Variants in ITGA11 observed in about 807,000 individuals in gnomAD.
The protein encoded by ITGA11 is integrin subunit alpha 11.
In ITGA11, 97 loss-of-function variants were observed where a neutral mutation model predicts 141.9. The ratio of observed to expected loss-of-function variants is 0.68; its 90% CI spans 0.58 to 0.81. ITGA11 has a LOEUF of 0.81. ITGA11 is among the 30% of genes least tolerant of loss of function. The pLI, the probability that ITGA11 is intolerant of heterozygous loss-of-function variation, is 0.00. For missense variants in ITGA11, 1,387 were observed against 1,559.2 expected, an observed-to-expected ratio of 0.89 and a Z score of 1.86; for synonymous variants, 658 against 624.6, an observed-to-expected ratio of 1.05 and a Z score of -0.80.
intron 8 of ITGA11, among the ~76,000 whole-genome samples, 157 bp downstream of exon 8, chr15:68,351,101 G>A (rs2279101): frequency 0.69 from 105,254 of 151,978 alleles, 37,275 homozygotes; most frequent in East Asian, 0.86. Context: ...AGTGCAGAAA[G>A]ATCCTCAACT....
intron 23 of ITGA11, 48 bp from the exon 24 acceptor site, chr15:68,312,911 T>A (rs761651325): frequency 1.0e-5 from 14 of 1,356,676 alleles, no homozygotes; most frequent in Non-Finnish European, 1.5e-5. Context: ...CAGGGCTGGC[T>A]GGATGGACAG....
intron 4 of ITGA11, 38 bp downstream of exon 4, chr15:68,364,666 CCTG>C: frequency 7.1e-7 from 1 of 1,412,468 alleles, no homozygotes; most frequent in Non-Finnish European, 1.0e-6. Context: ...CACCCCCACC[CCTG>C]CCTCTCCTGA....
chr15:68,329,367 T>C (rs143120802), intron 15 of ITGA11, among the ~76,000 whole-genome samples: 8 of 152,326 alleles, frequency 5.3e-5, no homozygotes, highest in African/African-American at 9.6e-5. Context: ...TTCTGCTTAA[T>C]TGGTGTGGGT....
chr15:68,346,021 C>A (rs777105666), intron 10 of ITGA11, among the ~76,000 whole-genome samples: 1 of 152,122 alleles, frequency 6.6e-6, no homozygotes, highest in African/African-American at 2.4e-5. Context: ...CAAATGCGAT[C>A]GTTGTCTCTC....
At chr15:68,357,688 T>TAAGAG (rs148295539) in intron 6 of ITGA11, among the ~76,000 whole-genome samples, 8,853 of 152,234 alleles carry the variant, frequency 0.058, 478 homozygotes, top group African/African-American at 0.14. Flanking sequence ...TTAAAACTTG[T>TAAGAG]AAGAGGTTCT....
At chr15:68,317,475 C>A in intron 20 of ITGA11, 112 bp from the exon 21 acceptor site, 1 of 764,674 alleles carries the variant, frequency 1.3e-6, no homozygotes, top group East Asian at 2.5e-5. Flanking sequence ...GCCTCAGCCC[C>A]TGATACCCAT....
chr15:68,311,439 G>T (rs1478916608), intron 24 of ITGA11, 36 bp from the exon 25 acceptor site: 18 of 1,424,876 alleles, frequency 1.3e-5, no homozygotes, highest in Non-Finnish European at 1.2e-5. Flanking sequence ...AGTACAGTCA[G>T]TTGAGGGGGG....
In ITGA11 at chr15:68,325,123, A is replaced by C. The variant is rs1232833312; in HGVS notation, c.2322+8T>G. ...TGCCCGAGGTGCGTGCCCTGTACCG[A>C]GATGTACCGAGACTCTGAGAGTGGT... On this transcript the variant is annotated splice_region_variant and intron_variant, in intron 18 of 29. Transcript: ENST00000315757. The surrounding 1 kb of genome is among the most constrained non-coding windows in gnomAD (Gnocchi z 5.5). 1.2e-6 allele frequency: 2 copies of C among 1,608,124 alleles called. No individual in the cohort carries two copies. Among genetic ancestry groups the C allele is most frequent in the Non-Finnish European group, 1.7e-6 (2 of 1,174,828 alleles).
rs1595847641 is a variant in ITGA11, at chr15:68,305,083, C to T, written c.3382-1198G>A. Among the ~76,000 whole-genome samples, 1 of 152,254 alleles carries T rather than the reference C, an allele frequency of 6.6e-6. No homozygotes were observed. The highest frequency in any genetic ancestry group is 1.5e-5 in the Non-Finnish European group (1 of 68,040). On this transcript the variant is annotated intron_variant, in intron 28 of 29. Transcript: ENST00000315757. The surrounding 1 kb of genome is among the most constrained non-coding windows in gnomAD (Gnocchi z 4.6). ...CCTGGCCCTGGCCTGCAAGGCCCTC[C>T]CCTCTCGGGTCCCACCTGTCTTGCT...
intron 28 of ITGA11, among the ~76,000 whole-genome samples, chr15:68,306,774 C>T (rs1000514889): frequency 5.3e-5 from 8 of 152,232 alleles, no homozygotes; most frequent in African/African-American, 1.9e-4. Context: ...TGGGAGCTTA[C>T]TCCGCCTCTG....
intron 15 of ITGA11, among the ~76,000 whole-genome samples, chr15:68,329,610 G>A (rs1411441617): frequency 3.3e-5 from 5 of 152,220 alleles, no homozygotes; most frequent in Admixed American, 1.3e-4. Context: ...GCTTCCTGTA[G>A]AGAAGTTTAT....
In ITGA11 at chr15:68,312,793, G is replaced by A. The variant is rs773584819; in HGVS notation, c.2953C>T (p.Pro985Ser). The change falls in exon 24 of 30, where the codon CCC becomes TCC. Residue 985 changes from proline (P) to serine (S), a missense_variant. Pro to Ser is a moderately conservative substitution (Grantham distance 74). Transcript: ENST00000315757. ...SLERYDGIGP[P>S]FSCIFRIQNL... ...CTCACCCTGAAGATGCAGCTGAAGG[G>A]AGGCCCGATACCATCGTATCTCTCC... The A allele has an allele frequency of 6.2e-7, 1 of 1,613,530 alleles. No individual in the cohort carries two copies. The highest frequency in any genetic ancestry group is 8.5e-7 in the Non-Finnish European group (1 of 1,179,616).
chr15:68,409,486 G>C lies in ITGA11; in HGVS notation c.53-6457C>G, dbSNP rs748866143. On this transcript the variant is annotated intron_variant, in intron 1 of 29. Transcript: ENST00000315757. ...GACTTAGGTACTGATAGTAGGTACT[G>C]ATAGGTAGTACTGATACTCTACCTA... is the stretch of plus-strand genomic sequence containing the variant. 5.3e-5 allele frequency among the ~76,000 whole-genome samples: 8 copies of C among 151,948 alleles called. No individual in the cohort carries two copies. In the Middle Eastern group the frequency reaches 0.01, roughly 195 times the overall value.
chr15:68,375,988 C>T (rs1428784782), intron 2 of ITGA11, among the ~76,000 whole-genome samples: 1 of 152,174 alleles, frequency 6.6e-6, no homozygotes, highest in African/African-American at 2.4e-5. Flanking sequence ...TCTCCCTGGA[C>T]CCTACCCCAG....
chr15:68,429,445 C>G (rs1897218894), intron 1 of ITGA11, among the ~76,000 whole-genome samples: 1 of 152,222 alleles, frequency 6.6e-6, no homozygotes, highest in Non-Finnish European at 1.5e-5. Context: ...ATGGATCTCT[C>G]TCTTTGGACT....
At chr15:68,431,950 TC>T in intron 1 of ITGA11, 64 bp downstream of exon 1, 1 of 1,150,478 alleles carries the variant, frequency 8.7e-7, no homozygotes, top group Non-Finnish European at 1.1e-6. Flanking sequence ...GGCCGCTGGA[TC>T]CAAGCCCCGA....
chr15:68,367,420 C>A (rs571112174), intron 3 of ITGA11, among the ~76,000 whole-genome samples: 1 of 152,100 alleles, frequency 6.6e-6, no homozygotes, highest in East Asian at 1.9e-4. Flanking sequence ...TACCTTAGGG[C>A]GTTTGCACTT....
intron 24 of ITGA11, 39 bp from the exon 25 acceptor site, chr15:68,311,442 G>T: frequency 1.4e-6 from 2 of 1,413,392 alleles, no homozygotes; most frequent in South Asian, 1.2e-5. Flanking sequence ...ACAGTCAGTT[G>T]AGGGGGGTGG....
In ITGA11 at chr15:68,304,715, C is replaced by T. The variant is rs1893133302; in HGVS notation, c.3382-830G>A. On this transcript the variant is annotated intron_variant, in intron 28 of 29. Coordinates refer to ENST00000315757, the MANE Select transcript of ITGA11 (RefSeq NM_001004439.2). The surrounding 1 kb of genome is among the most constrained non-coding windows in gnomAD (Gnocchi z 6.1). ...GCTCTTAACACCCCAGCCCCCGAAGCCTGCTCTTTCCAGCTCTTTCTCACC... is the reference window on the plus strand; with the variant it reads ...GCTCTTAACACCCCAGCCCCCGAAGTCTGCTCTTTCCAGCTCTTTCTCACC... Among the ~76,000 whole-genome samples, 1 of 152,214 alleles carries T rather than the reference C, an allele frequency of 6.6e-6. No homozygotes were observed. The highest frequency in any genetic ancestry group is 6.5e-5 in the Admixed American group (1 of 15,286).
Sources: gnomAD v4.1 joint callset for allele counts (sites outside exome capture counted in the v4.1 genomes callset) on GRCh38, gnomAD v4.1.1 for gene constraint, Gnocchi (gnomAD v3.1) non-coding constraint, MANE v1.5 for transcripts, NCBI Gene and HGNC (gene_info 2026-07-23, HGNC 2026-07-21) for gene names.